Variants in ZHX2 observed in about 807,000 individuals in gnomAD.
The protein encoded by ZHX2 is zinc fingers and homeoboxes protein 2.
In ZHX2, 6 loss-of-function variants were observed where a neutral mutation model predicts 21.9. The ratio of observed to expected loss-of-function variants is 0.27; its 90% CI spans 0.15 to 0.54. The LOEUF (loss-of-function observed/expected upper bound fraction) is 0.54. Among genes scored for constraint, ZHX2 ranks in the 20% least tolerant of loss-of-function variants. The pLI is 0.95. For missense variants in ZHX2, 908 were observed against 1,090.7 expected, an observed-to-expected ratio of 0.83 and a Z score of 2.36; for synonymous variants, 434 against 437.1, an observed-to-expected ratio of 0.99 and a Z score of 0.09.
At chr8:122,972,499 C>T (rs1338220495) in intron 3 of ZHX2, among the ~76,000 whole-genome samples, 1 of 152,116 alleles carries the variant, frequency 6.6e-6, no homozygotes, top group Admixed American at 6.5e-5. Flanking sequence ...TATTAGGCCC[C>T]TATATGTTCA....
chr8:122,892,811 A>G (rs923680866), intron 2 of ZHX2, among the ~76,000 whole-genome samples: 2 of 152,120 alleles, frequency 1.3e-5, no homozygotes, highest in African/African-American at 4.8e-5. Context: ...CAGCCTCCCG[A>G]GTAGCTGGGA....
At chr8:122,833,958 C>CTGCA (rs1818442205) in intron 1 of ZHX2, among the ~76,000 whole-genome samples, 2 of 150,912 alleles carry the variant, frequency 1.3e-5, no homozygotes, top group African/African-American at 4.9e-5. Flanking sequence ...GATCGCGCCA[C>CTGCA]TGCACTCCAG....
chr8:122,909,586 TA>T (rs1178572315), intron 2 of ZHX2, among the ~76,000 whole-genome samples: 1 of 152,092 alleles, frequency 6.6e-6, no homozygotes, highest in East Asian at 1.9e-4. Context: ...GCTGGACAGA[TA>T]ATCCCCTCCT....
intron 2 of ZHX2, among the ~76,000 whole-genome samples, chr8:122,930,819 G>T (rs1037446373): frequency 6.6e-5 from 10 of 151,922 alleles, no homozygotes; most frequent in Admixed American, 3.9e-4. Flanking sequence ...TGGAGGACGG[G>T]GGTGCTGGGA....
intron 2 of ZHX2, among the ~76,000 whole-genome samples, chr8:122,932,040 CTG>C (rs1198126880): frequency 6.6e-6 from 1 of 152,206 alleles, no homozygotes; most frequent in African/African-American, 2.4e-5. Context: ...ATCATCCTAA[CTG>C]TGGCAATTTT....
chr8:122,875,766 G>A (rs1819557569), intron 2 of ZHX2, among the ~76,000 whole-genome samples: 1 of 152,278 alleles, frequency 6.6e-6, no homozygotes, highest in Non-Finnish European at 1.5e-5. Flanking sequence ...AGATGGGACA[G>A]AACCAGGATT....
chr8:122,796,086 G>A (rs545075443), intron 1 of ZHX2, among the ~76,000 whole-genome samples: 2 of 151,156 alleles, frequency 1.3e-5, no homozygotes, highest in Non-Finnish European at 2.9e-5. Flanking sequence ...CAGGAGAATC[G>A]CTTGAACCCA....
chr8:122,893,123 G>A lies in ZHX2; in HGVS notation c.-220+29584G>A, dbSNP rs546271490. Among the ~76,000 whole-genome samples the A allele has an allele frequency of 7.1e-4, 108 of 151,898 alleles. 2 individuals carry two copies. The highest frequency in any genetic ancestry group is 2.7e-3 in the East Asian group (14 of 5,176). On this transcript the variant is annotated intron_variant, in intron 2 of 3. Transcript: ENST00000314393. ...TTCTTGAGTAGTTGGTTTTTGTTTT[G>A]TTTTTTTTCTTTCAGCACTTTGATT...
chr8:122,950,372 A>G (rs540496761), intron 2 of ZHX2, among the ~76,000 whole-genome samples: 1 of 152,306 alleles, frequency 6.6e-6, no homozygotes. Context: ...GAGTTGAACA[A>G]TGAAAACACA....
At chr8:122,869,494 G>A (rs898479753) in intron 2 of ZHX2, among the ~76,000 whole-genome samples, 5 of 152,064 alleles carry the variant, frequency 3.3e-5, no homozygotes, top group Non-Finnish European at 7.4e-5. Flanking sequence ...GACTCTTCCC[G>A]CCTGAGGATG....
chr8:122,929,830 A>G (rs762831540), intron 2 of ZHX2, among the ~76,000 whole-genome samples: 1 of 152,182 alleles, frequency 6.6e-6, no homozygotes, highest in Non-Finnish European at 1.5e-5. Context: ...ATCCAACTCT[A>G]TGGCGCTATG....
chr8:122,948,710 T>A (rs1032998944), intron 2 of ZHX2, among the ~76,000 whole-genome samples: 1 of 152,204 alleles, frequency 6.6e-6, no homozygotes, highest in African/African-American at 2.4e-5. Flanking sequence ...TAAAGGAGGT[T>A]TCTCAAAAAT....
At chr8:122,904,934 T>C (rs891113937) in intron 2 of ZHX2, among the ~76,000 whole-genome samples, 1 of 152,108 alleles carries the variant, frequency 6.6e-6, no homozygotes, top group Non-Finnish European at 1.5e-5. Context: ...AAAATAGAAA[T>C]TCTCAGCAAA....
At chr8:122,807,435 C>T (rs993695990) in intron 1 of ZHX2, among the ~76,000 whole-genome samples, 18 of 152,166 alleles carry the variant, frequency 1.2e-4, no homozygotes, top group Admixed American at 9.8e-4. Context: ...GTGTCATCAG[C>T]GTTACAGGTA....
chr8:122,947,575 C>T (rs992770825), intron 2 of ZHX2, among the ~76,000 whole-genome samples: 7 of 152,272 alleles, frequency 4.6e-5, no homozygotes, highest in South Asian at 2.1e-4. Context: ...CACAAAACAT[C>T]GAAGTATGAT....
intron 3 of ZHX2, among the ~76,000 whole-genome samples, chr8:122,963,255 G>A (rs575873787): frequency 2.1e-4 from 32 of 152,226 alleles, no homozygotes; most frequent in Admixed American, 4.6e-4. Flanking sequence ...ATGACTTCAC[G>A]TCTTAGATTT....
intron 2 of ZHX2, among the ~76,000 whole-genome samples, chr8:122,918,375 T>C (rs1820655013): frequency 1.3e-5 from 2 of 152,330 alleles, no homozygotes; most frequent in East Asian, 1.9e-4. Context: ...CTGTTTTGCT[T>C]CCCAGAAAAC....
intron 2 of ZHX2, among the ~76,000 whole-genome samples, chr8:122,928,700 G>A (rs775148609): frequency 2.2e-4 from 34 of 152,246 alleles, no homozygotes; most frequent in Middle Eastern, 3.4e-3. Context: ...GGAATGTTAC[G>A]AACAAATGAC....
At chr8:122,818,558 G>A (rs1335711785) in intron 1 of ZHX2, among the ~76,000 whole-genome samples, 2 of 152,160 alleles carry the variant, frequency 1.3e-5, no homozygotes, top group East Asian at 1.9e-4. Flanking sequence ...GGGTGGCCAT[G>A]AGGCCTAAAT....
Sources: gnomAD v4.1 joint callset for allele counts (sites outside exome capture counted in the v4.1 genomes callset) on GRCh38, gnomAD v4.1.1 for gene constraint, MANE v1.5 for transcripts, NCBI Gene and HGNC (gene_info 2026-07-23, HGNC 2026-07-21) for gene names.